The following SMAD3 variants were observed in gnomAD, a reference collection of about 807,000 sequenced individuals.
SMAD3 encodes SMAD family member 3, also known as MAD homolog 3.
A neutral mutation model predicts 51.8 loss-of-function variants in SMAD3; 12 were observed. The observed-to-expected ratio is 0.23, with a 90% CI of 0.15 to 0.38. The LOEUF (loss-of-function observed/expected upper bound fraction) is 0.38. Ranked by LOEUF, SMAD3 falls within the 10% of genes least tolerant of loss-of-function variation. The pLI, the probability that SMAD3 is intolerant of heterozygous loss-of-function variation, is 1.00. For synonymous variants in SMAD3, 238 were observed against 227.7 expected, an observed-to-expected ratio of 1.05 and a Z score of -0.41; for missense variants, 294 against 565.6, an observed-to-expected ratio of 0.52 and a Z score of 4.87.
intron 1 of SMAD3, among the ~76,000 whole-genome samples, chr15:67,123,123 G>A (rs1056700934): frequency 2.0e-5 from 3 of 146,528 alleles, no homozygotes; most frequent in African/African-American, 7.6e-5. Context: ...CTTGAGCCAG[G>A]AGTTAAAGTC....
chr15:67,114,344 C>A lies in SMAD3; in HGVS notation c.206+47984C>A, dbSNP rs145100508. ...TCTCATGGAATTGGGCCCCTCATCA[C>A]CTACGGTTATGTGTGGCGCACAGAT... On this transcript the variant is annotated intron_variant, in intron 1 of 8. Coordinates refer to ENST00000327367, the MANE Select transcript of SMAD3 (RefSeq NM_005902.4). Among the ~76,000 whole-genome samples the A allele has an allele frequency of 5.2e-3, 790 of 152,314 alleles. 8 individuals are homozygous for A. The highest frequency in any genetic ancestry group is 0.018 in the African/African-American group (750 of 41,576).
intron 3 of SMAD3, 112 bp downstream of exon 3, chr15:67,165,496 CTT>C (rs1962560118): frequency 7.6e-7 from 1 of 1,324,428 alleles, no homozygotes; most frequent in Non-Finnish European, 1.1e-6. Flanking sequence ...CTCACCCCCT[CTT>C]TGCGCACAGC....
chr15:67,137,032 C>T (rs1365769078), intron 1 of SMAD3, among the ~76,000 whole-genome samples: 1 of 152,180 alleles, frequency 6.6e-6, no homozygotes, highest in African/African-American at 2.4e-5. Flanking sequence ...TGGGGTCTGA[C>T]CTCTTTCTGG....
chr15:67,074,474 T>C (rs1244210365), intron 1 of SMAD3, among the ~76,000 whole-genome samples: 1 of 152,356 alleles, frequency 6.6e-6, no homozygotes, highest in East Asian at 1.9e-4. Flanking sequence ...TGCACTTGAT[T>C]GCGTAAGCAT....
intron 1 of SMAD3, among the ~76,000 whole-genome samples, chr15:67,152,435 G>C (rs1185531957): frequency 6.6e-6 from 1 of 152,190 alleles, no homozygotes; most frequent in East Asian, 1.9e-4. Flanking sequence ...CCCAGAATGA[G>C]AAGATGGGTC....
chr15:67,177,901 GT>G (rs1418882307), intron 5 of SMAD3, among the ~76,000 whole-genome samples: 1 of 152,266 alleles, frequency 6.6e-6, no homozygotes, highest in African/African-American at 2.4e-5. Context: ...GCTTTTAGTT[GT>G]TTGCAGAGAA....
chr15:67,174,137 C>G (rs1566995912), intron 5 of SMAD3, among the ~76,000 whole-genome samples: 1 of 152,174 alleles, frequency 6.6e-6, no homozygotes, highest in Non-Finnish European at 1.5e-5. Flanking sequence ...GGCCTCTCCT[C>G]CAGCCCCCAC....
At chr15:67,137,075 G>T (rs1961684450) in intron 1 of SMAD3, among the ~76,000 whole-genome samples, 1 of 152,224 alleles carries the variant, frequency 6.6e-6, no homozygotes. Context: ...GGTGACAAGT[G>T]CTCAACAGAG....
At chr15:67,184,950 C>A in intron 7 of SMAD3, 86 bp downstream of exon 7, 2 of 1,517,148 alleles carry the variant, frequency 1.3e-6, no homozygotes, top group South Asian at 1.1e-5. Flanking sequence ...CCTTTCTCAC[C>A]TTTTCTGCTC....
intron 1 of SMAD3, among the ~76,000 whole-genome samples, chr15:67,160,481 T>C (rs1239147705): frequency 1.3e-5 from 2 of 152,148 alleles, no homozygotes; most frequent in East Asian, 1.9e-4. Flanking sequence ...TTTTAAAAGA[T>C]TGAATTGTTG....
chr15:67,133,769 C>T (rs943617286), intron 1 of SMAD3, among the ~76,000 whole-genome samples: 3 of 152,138 alleles, frequency 2.0e-5, no homozygotes, highest in African/African-American at 7.2e-5. Context: ...ACTTTTTCAA[C>T]AGTCTGAAAA....
intron 8 of SMAD3, among the ~76,000 whole-genome samples, chr15:67,189,456 A>G (rs1288076954): frequency 2.0e-5 from 3 of 152,222 alleles, no homozygotes; most frequent in Non-Finnish European, 4.4e-5. Context: ...TGGGGACACT[A>G]TCACCACGCG....
At chr15:67,102,761 C>T (rs1414705220) in intron 1 of SMAD3, among the ~76,000 whole-genome samples, 3 of 152,180 alleles carry the variant, frequency 2.0e-5, no homozygotes, top group Middle Eastern at 3.4e-3. Context: ...AGGCATGATA[C>T]GTGGTCCCTT....
chr15:67,097,077 A>G (rs1192660775), intron 1 of SMAD3, among the ~76,000 whole-genome samples: 1 of 152,120 alleles, frequency 6.6e-6, no homozygotes, highest in East Asian at 1.9e-4. Context: ...TCCTTGGGTG[A>G]GTCATTTCTT....
Position 67,177,195 on chromosome 15 carries a change from A to C in SMAD3, c.659-4046A>C, listed in dbSNP as rs898462949. Among the ~76,000 whole-genome samples, 9 of 152,244 alleles carry C rather than the reference A, an allele frequency of 5.9e-5. No individual in the cohort carries two copies. The South Asian group carries it at 1.9e-3, about 32-fold the overall frequency. On this transcript the variant is annotated intron_variant, in intron 5 of 8. Transcript: ENST00000327367. ...ACTTTGTTTTCCCTGAGGAACTAGTAAGCATTGCCCATCCACCAACCAGAG... is the reference window on the plus strand; with the variant it reads ...ACTTTGTTTTCCCTGAGGAACTAGTCAGCATTGCCCATCCACCAACCAGAG...
At chr15:67,153,363 A>G (rs12439555) in intron 1 of SMAD3, among the ~76,000 whole-genome samples, 8,388 of 152,186 alleles carry the variant, frequency 0.055, 311 homozygotes, top group Admixed American at 0.095. Context: ...GTGGTGGTGC[A>G]TGCCTGTAAT....
At chr15:67,143,321 G>C (rs1484305349) in intron 1 of SMAD3, among the ~76,000 whole-genome samples, 2 of 152,224 alleles carry the variant, frequency 1.3e-5, no homozygotes, top group African/African-American at 4.8e-5. Flanking sequence ...TTAGTATTTA[G>C]AGTTTGTCAT....
chr15:67,179,711 C>T (rs1963000794), intron 5 of SMAD3, among the ~76,000 whole-genome samples: 2 of 152,192 alleles, frequency 1.3e-5, no homozygotes, highest in Admixed American at 1.3e-4. Context: ...TTGGGCTTTA[C>T]ACACCTTCAG....
chr15:67,107,893 C>T (rs1162734792), intron 1 of SMAD3, among the ~76,000 whole-genome samples: 1 of 152,078 alleles, frequency 6.6e-6, no homozygotes, highest in Non-Finnish European at 1.5e-5. Context: ...TGTGGAAAGT[C>T]ATCCTCCCTC....
Sources: allele counts gnomAD v4.1 joint callset (sites outside exome capture counted in the v4.1 genomes callset), GRCh38; gene constraint gnomAD v4.1.1; transcripts MANE v1.5; gene names NCBI Gene and HGNC (gene_info 2026-07-23, HGNC 2026-07-21).